The following STAT4 variants were observed in gnomAD, a reference collection of about 807,000 sequenced individuals.
STAT4 encodes the protein signal transducer and activator of transcription 4.
STAT4 carries 42 observed loss-of-function variants against 110.5 expected under a neutral mutation model. The observed-to-expected ratio is 0.38, with a 90% CI of 0.30 to 0.49. STAT4 has a LOEUF of 0.49. STAT4 is among the 20% of genes least tolerant of loss of function. The pLI is 0.95. For missense variants in STAT4, 632 were observed against 887.9 expected (o/e 0.71, Z 3.66); for synonymous variants, 284 against 302.2 (o/e 0.94, Z 0.63).
Position 191,031,246 on chromosome 2 carries a change from G to A in STAT4, c.2112-166C>T. ...ACACTCAACTTACTGTGGCATATAT[G>A]GCATATAAAAGGGGAATTTTATAAT... is the stretch of plus-strand genomic sequence containing the variant. On this transcript the variant is annotated intron_variant, in intron 22 of 23. Transcript: ENST00000392320. This position sits in a 1 kb window ranked among gnomAD's most constrained non-coding sequence, Gnocchi z 4.8. 1 of 885,186 alleles carries A rather than the reference G, an allele frequency of 1.1e-6. No homozygotes were observed. The allele number at this position is 885,186 out of a possible 1,614,324, so 54.8% of individuals were successfully genotyped here. A position where few individuals can be genotyped will look rare whatever the true frequency, so the allele number is the denominator to read the frequency against.
chr2:191,125,743 C>G (rs974508858), intron 3 of STAT4, among the ~76,000 whole-genome samples: 1 of 151,986 alleles, frequency 6.6e-6, no homozygotes, highest in African/African-American at 2.4e-5. Flanking sequence ...CTCAGCCTCC[C>G]AAAGTGCTGA....
intron 1 of STAT4, among the ~76,000 whole-genome samples, chr2:191,149,244 T>C (rs771058115): frequency 6.6e-6 from 1 of 152,240 alleles, no homozygotes; most frequent in Non-Finnish European, 1.5e-5. Flanking sequence ...CTTTTGCCTA[T>C]AGAACACCAG....
rs1697358985 is a variant in STAT4, at chr2:191,077,823, C to CT, written c.274-1499dup. ...TATTTTACAGTCTTCCAAACTCTTT[C>CT]TTTTTTCTCTTTAAATCAAAAGTCT... is the stretch of plus-strand genomic sequence containing the variant. On this transcript the variant is annotated intron_variant, in intron 3 of 23. Transcript: ENST00000392320. This position sits in a 1 kb window ranked among gnomAD's most constrained non-coding sequence, Gnocchi z 4.1. Among the ~76,000 whole-genome samples the CT allele has an allele frequency of 6.6e-6, 1 of 151,982 alleles. No homozygotes were observed. Among genetic ancestry groups the CT allele is most frequent in the African/African-American group, 2.4e-5 (1 of 41,398 alleles).
intron 3 of STAT4, among the ~76,000 whole-genome samples, chr2:191,105,088 G>A (rs1195695246): frequency 3.9e-5 from 6 of 152,122 alleles, no homozygotes; most frequent in African/African-American, 9.7e-5. Context: ...ATAACAGATC[G>A]TGGGAAAATA....
chr2:191,148,129 G>C lies in STAT4; in HGVS notation c.75C>G (p.Asn25Lys). ...ACAGATGCCGAATTTCCATGGGAAA[G>C]TTGTCATCATAGAATTGATCCACCT... ...LEQVDQFYDDNFPMEIRHLLA... is the reference protein window; with the variant it reads ...LEQVDQFYDDKFPMEIRHLLA... The change falls in exon 2 of 24, where the codon AAC becomes AAG. Residue 25 changes from asparagine to lysine, a missense_variant. This residue lies in a region of STAT4 where 488 missense variants were observed against 632.8 expected (regional missense o/e 0.77). Transcript: ENST00000392320. 1 of 1,613,920 alleles carries C rather than the reference G, an allele frequency of 6.2e-7. No homozygotes were observed. Among genetic ancestry groups the C allele is most frequent in the Non-Finnish European group, 8.5e-7 (1 of 1,179,870 alleles).
intron 3 of STAT4, among the ~76,000 whole-genome samples, chr2:191,080,242 G>C (rs1697423838): frequency 6.6e-6 from 1 of 151,800 alleles, no homozygotes; most frequent in Non-Finnish European, 1.5e-5. Flanking sequence ...TAAAACTCTT[G>C]ATTTATTTCA....
chr2:191,123,023 C>T (rs113262641), intron 3 of STAT4, among the ~76,000 whole-genome samples: 28 of 152,292 alleles, frequency 1.8e-4, no homozygotes, highest in African/African-American at 6.5e-4. Context: ...AAAAGTGATG[C>T]ACTTTGCTCT....
rs1461625204 is a variant in STAT4 at position 191,110,487 on chromosome 2, G to A, written c.274-34162C>T. 6.6e-6 allele frequency among the ~76,000 whole-genome samples: 1 copy of A among 152,184 alleles called. No homozygotes were observed. Among genetic ancestry groups the A allele is most frequent in the Non-Finnish European group, 1.5e-5 (1 of 68,032 alleles). On this transcript the variant is annotated intron_variant, in intron 3 of 23. Transcript: ENST00000392320. This position sits in a 1 kb window ranked among gnomAD's most constrained non-coding sequence, Gnocchi z 4.5. ...TTTTACGGGCAGGGCAACGGGCTGAGGGAAGCCAGACTTTAGCCTATCTGA... is the reference window on the plus strand; with the variant it reads ...TTTTACGGGCAGGGCAACGGGCTGAAGGAAGCCAGACTTTAGCCTATCTGA...
chr2:191,109,272 A>G (rs1054909943), intron 3 of STAT4, among the ~76,000 whole-genome samples: 1 of 152,072 alleles, frequency 6.6e-6, no homozygotes, highest in African/African-American at 2.4e-5. Context: ...AAATATAATG[A>G]CAGGTTTTTT....
At chr2:191,056,734 C>G (rs1227644153) in intron 13 of STAT4, among the ~76,000 whole-genome samples, 1 of 151,116 alleles carries the variant, frequency 6.6e-6, no homozygotes, top group African/African-American at 2.4e-5. Flanking sequence ...TCTTCTCTTC[C>G]TGCTATTTAA....
chr2:191,096,824 C>T lies in STAT4; in HGVS notation c.274-20499G>A, dbSNP rs574904201. On this transcript the variant is annotated intron_variant, in intron 3 of 23. Transcript: ENST00000392320. ...GGATTCAATTAGGAAAAAAGGAAGT[C>T]AAATTGTCCCTGTTTGCAGATAACA... 2.0e-5 allele frequency among the ~76,000 whole-genome samples: 3 copies of T among 152,276 alleles called. No individual in the cohort carries two copies. The East Asian group carries it at 5.8e-4, about 29-fold the overall frequency.
In STAT4 at chr2:191,039,133, ATG is replaced by A; in HGVS notation, c.1434+64_1434+65del. The A allele has an allele frequency of 2.1e-6, 3 of 1,404,208 alleles. No homozygotes were observed. In the South Asian group the frequency reaches 3.5e-5, roughly 16 times the overall value. The allele number at this position is 1,404,208 out of a possible 1,614,324, so 87.0% of individuals were successfully genotyped here. Reference sequence around the variant, plus strand: ...CTGGCACACACATGTTTTGATGCAGATGTGTTTGTTGGCAATAAAACAAATCG... The same window carrying A: ...CTGGCACACACATGTTTTGATGCAGATGTTTGTTGGCAATAAAACAAATCG... On this transcript the variant is annotated intron_variant, in intron 16 of 23. Coordinates refer to ENST00000392320, the MANE Select transcript of STAT4 (RefSeq NM_003151.4). This position sits in a 1 kb window ranked among gnomAD's most constrained non-coding sequence, Gnocchi z 4.7.
chr2:191,034,340 A>G (rs530104976), intron 18 of STAT4, among the ~76,000 whole-genome samples: 31 of 151,472 alleles, frequency 2.0e-4, no homozygotes, highest in South Asian at 6.3e-4. Flanking sequence ...GGAGAATGGC[A>G]TGAACCCGGG....
At chr2:191,087,112 C>T (rs918408721) in intron 3 of STAT4, among the ~76,000 whole-genome samples, 9 of 152,250 alleles carry the variant, frequency 5.9e-5, no homozygotes, top group Admixed American at 2.6e-4. Flanking sequence ...TCTGCAATGT[C>T]GCCTCCTGGA....
At chr2:191,134,018 T>A (rs1388587497) in intron 3 of STAT4, among the ~76,000 whole-genome samples, 1 of 152,226 alleles carries the variant, frequency 6.6e-6, no homozygotes, top group Admixed American at 6.5e-5. Context: ...ACGGCCTATA[T>A]GATTCCAATT....
chr2:191,112,521 A>G lies in STAT4; in HGVS notation c.273+34092T>C, dbSNP rs1459582064. Among the ~76,000 whole-genome samples the G allele has an allele frequency of 6.6e-6, 1 of 152,244 alleles. No individual in the cohort carries two copies. The highest frequency in any genetic ancestry group is 2.4e-5 in the African/African-American group (1 of 41,458). ...TACATATGGGTATATGTATGCATATATATTTTTTACTAAAACATGCCCTGT... is the reference window on the plus strand; with the variant it reads ...TACATATGGGTATATGTATGCATATGTATTTTTTACTAAAACATGCCCTGT... On this transcript the variant is annotated intron_variant, in intron 3 of 23. Coordinates refer to ENST00000392320, the MANE Select transcript of STAT4 (RefSeq NM_003151.4). This position sits in a 1 kb window ranked among gnomAD's most constrained non-coding sequence, Gnocchi z 4.3.
intron 5 of STAT4, among the ~76,000 whole-genome samples, chr2:191,070,853 G>C (rs891077803): frequency 5.9e-5 from 9 of 151,832 alleles, no homozygotes; most frequent in African/African-American, 2.2e-4. Context: ...GTAAAAAGGG[G>C]TGTGGGGGTG....
Position 191,034,561 on chromosome 2 carries a change from GC to G in STAT4, c.1606del (p.Ala536ProfsTer25). 6.2e-7 allele frequency: 1 copy of G among 1,613,506 alleles called. No homozygotes were observed. ...GACCGTTTGTACCTTGCAGAACTTG[GC>G]CCAGGTGAGGTGACCATCACTGTAG... is the stretch of plus-strand genomic sequence containing the variant. Reference protein sequence around the residue: ...SSYSDGHLTWAKFCKEHLPGK... With the variant: ...SSYSDGHLTWXKFCKEHLPGK... On this transcript the variant is annotated frameshift_variant, in exon 18 of 24. Coordinates refer to ENST00000392320, the MANE Select transcript of STAT4 (RefSeq NM_003151.4). LOFTEE classifies it high-confidence loss of function.
chr2:191,103,972 G>T (rs1698211274), intron 3 of STAT4, among the ~76,000 whole-genome samples: 1 of 152,024 alleles, frequency 6.6e-6, no homozygotes, highest in Admixed American at 6.6e-5. Flanking sequence ...AGCTTCATTT[G>T]CACATTTCTG....
Sources: gnomAD v4.1 joint callset for allele counts (sites outside exome capture counted in the v4.1 genomes callset) on GRCh38, gnomAD v4.1.1 for gene constraint, gnomAD v4.1.1 regional missense constraint, Gnocchi (gnomAD v3.1) non-coding constraint, MANE v1.5 for transcripts, NCBI Gene and HGNC (gene_info 2026-07-23, HGNC 2026-07-21) for gene names.